PRDM16: variants seen among roughly 807,000 people sequenced by gnomAD.
PRDM16 encodes the protein PR/SET domain 16.
PRDM16 carries 23 observed loss-of-function variants against 110.6 expected under a neutral mutation model. That is an observed-to-expected ratio of 0.21 (90% CI 0.15 to 0.29). The LOEUF (loss-of-function observed/expected upper bound fraction) is 0.29, where lower values mean the gene tolerates loss of function less well. Ranked by LOEUF, PRDM16 falls within the 10% of genes least tolerant of loss-of-function variation. The probability of loss-of-function intolerance (pLI) is 1.00; values close to 1 mark genes in which losing one functional copy is unlikely to be tolerated. For synonymous variants in PRDM16, 799 were observed against 781.8 expected, an observed-to-expected ratio of 1.02 and a Z score of -0.37; for missense variants, 1,615 against 1,794.3, an observed-to-expected ratio of 0.90 and a Z score of 1.81.
At chr1:3,191,425 C>A (rs1638307303) in intron 2 of PRDM16, among the ~76,000 whole-genome samples, 1 of 152,160 alleles carries the variant, frequency 6.6e-6, no homozygotes, top group Non-Finnish European at 1.5e-5. Flanking sequence ...CCCCAGAGCC[C>A]ACTGAGAGCC....
chr1:3,238,751 G>A (rs1358662664), intron 2 of PRDM16, among the ~76,000 whole-genome samples: 1 of 152,106 alleles, frequency 6.6e-6, no homozygotes, highest in Non-Finnish European at 1.5e-5. Context: ...CAAGTCCCGG[G>A]TGGAAGGGCC....
intron 2 of PRDM16, among the ~76,000 whole-genome samples, chr1:3,218,686 G>T (rs530437562): frequency 6.6e-6 from 1 of 152,236 alleles, no homozygotes; most frequent in South Asian, 2.1e-4. Context: ...ACACTGGCAG[G>T]TGCCTCTGCC....
At chr1:3,317,692 C>T (rs568211530) in intron 3 of PRDM16, among the ~76,000 whole-genome samples, 112 of 152,326 alleles carry the variant, frequency 7.4e-4, no homozygotes, top group Middle Eastern at 3.4e-3. Context: ...AGCCATTGGG[C>T]GTGCGTGGGT....
At chr1:3,318,063 G>A (rs1436200999) in intron 3 of PRDM16, among the ~76,000 whole-genome samples, 1 of 152,198 alleles carries the variant, frequency 6.6e-6, no homozygotes, top group Non-Finnish European at 1.5e-5. Flanking sequence ...GCATCACAGC[G>A]AGCCTCGCAA....
intron 3 of PRDM16, among the ~76,000 whole-genome samples, chr1:3,315,274 A>C (rs1300378883): frequency 1.3e-5 from 2 of 150,950 alleles, no homozygotes; most frequent in Non-Finnish European, 2.9e-5. Flanking sequence ...CAAATAAATC[A>C]AGCTGCCATG....
rs773873978 is a variant in PRDM16, at chr1:3,122,108, C to T, written c.37+52812C>T. Among the ~76,000 whole-genome samples, 19 of 152,218 alleles carry T rather than the reference C, an allele frequency of 1.2e-4. No individual in the cohort carries two copies. In the East Asian group the frequency reaches 2.1e-3, roughly 17 times the overall value. On this transcript the variant is annotated intron_variant, in intron 1 of 16. Transcript: ENST00000270722. Reference sequence around the variant, plus strand: ...GCGCACGGTGTCTGTGGAGGTCAGGCGGACACGTCCAGCCATGGCCTGGAC... The same window carrying T: ...GCGCACGGTGTCTGTGGAGGTCAGGTGGACACGTCCAGCCATGGCCTGGAC...
At chr1:3,363,662 C>G (rs1001875993) in intron 3 of PRDM16, among the ~76,000 whole-genome samples, 1 of 152,174 alleles carries the variant, frequency 6.6e-6, no homozygotes, top group Admixed American at 6.5e-5. Context: ...CCCTTGGAAA[C>G]AAGCCCCCAC....
Position 3,265,978 on chromosome 1 carries a change from G to A in PRDM16, c.438+21841G>A, listed in dbSNP as rs1184212113. ...AGGCCCAGCCCCCAACTCAAGGGCCGCCCTCCAGCCTAGCGACGCCACCTG... is the reference window on the plus strand; with the variant it reads ...AGGCCCAGCCCCCAACTCAAGGGCCACCCTCCAGCCTAGCGACGCCACCTG... On this transcript the variant is annotated intron_variant, in intron 3 of 16. Coordinates refer to ENST00000270722, the MANE Select transcript of PRDM16 (RefSeq NM_022114.4). The surrounding 1 kb of genome is among the most constrained non-coding windows in gnomAD (Gnocchi z 4.5). Among the ~76,000 whole-genome samples the A allele has an allele frequency of 6.6e-6, 1 of 152,130 alleles. No homozygotes were observed. The highest frequency in any genetic ancestry group is 2.4e-5 in the African/African-American group (1 of 41,430).
At chr1:3,421,276 C>A (rs1042646607) in intron 12 of PRDM16, among the ~76,000 whole-genome samples, 2 of 152,162 alleles carry the variant, frequency 1.3e-5, no homozygotes, top group African/African-American at 4.8e-5. Context: ...CTGGCCACCC[C>A]CCCTGACCTG....
intron 3 of PRDM16, among the ~76,000 whole-genome samples, chr1:3,360,238 C>T (rs777950904): frequency 2.0e-5 from 3 of 152,192 alleles, no homozygotes; most frequent in African/African-American, 4.8e-5. Context: ...CGGGCCAGAG[C>T]GACCAGTCCC....
At position 3,186,826 on chromosome 1, in the gene PRDM16, C is replaced by A. The variant is rs142567524; in HGVS notation, c.387+352C>A. Among the ~76,000 whole-genome samples, 819 of 152,340 alleles carry A rather than the reference C, an allele frequency of 5.4e-3. 8 individuals are homozygous for A. The highest frequency in any genetic ancestry group is 0.033 in the South Asian group (161 of 4,832). On this transcript the variant is annotated intron_variant, in intron 2 of 16. Transcript: ENST00000270722. ...GATTAATAGGAAGTCCCAGAACAGG[C>A]AGCTGCACTCCAGGGCTTCATTCCA...
At chr1:3,164,291 A>C (rs1798246) in intron 1 of PRDM16, among the ~76,000 whole-genome samples, 71,110 of 152,154 alleles carry the variant, frequency 0.47, 16,770 homozygotes, top group South Asian at 0.65. Context: ...GTGTAATAGG[A>C]AATTTGAGAA....
chr1:3,160,787 A>G (rs1222507481), intron 1 of PRDM16, among the ~76,000 whole-genome samples: 2 of 152,206 alleles, frequency 1.3e-5, no homozygotes, highest in South Asian at 4.1e-4. Flanking sequence ...TCCCGGCTTC[A>G]TGGGCGGGGC....
chr1:3,161,271 C>T (rs140039616), intron 1 of PRDM16, among the ~76,000 whole-genome samples: 93 of 152,356 alleles, frequency 6.1e-4, no homozygotes, highest in African/African-American at 2.1e-3. Flanking sequence ...ACACACAACA[C>T]GCTCGAAAGT....
chr1:3,418,636 C>A, intron 11 of PRDM16, 31 bp from the exon 12 acceptor site: 2 of 1,475,732 alleles, frequency 1.4e-6, no homozygotes, highest in Non-Finnish European at 1.9e-6. Flanking sequence ...CCCTAATCCT[C>A]CCTCACCCTC....
intron 3 of PRDM16, among the ~76,000 whole-genome samples, chr1:3,258,282 T>TG (rs545793196): frequency 3.2e-4 from 48 of 152,212 alleles, no homozygotes; most frequent in East Asian, 1.4e-3. Context: ...CTGTTATCTA[T>TG]GGGGGGGATA....
chr1:3,213,375 CG>C lies in PRDM16; in HGVS notation c.387+26904del, dbSNP rs1638944186. On this transcript the variant is annotated intron_variant, in intron 2 of 16. Coordinates refer to ENST00000270722, the MANE Select transcript of PRDM16 (RefSeq NM_022114.4). The surrounding 1 kb of genome is among the most constrained non-coding windows in gnomAD (Gnocchi z 5.3). ...TTTGCTGGGGAGAGGGGTGTGGGGG[CG>C]GGATGGCGGGTCCTGGGCGTCTCGG... 1.8e-5 allele frequency among the ~76,000 whole-genome samples: 2 copies of C among 110,570 alleles called. No homozygotes were observed. Among genetic ancestry groups the C allele is most frequent in the African/African-American group, 3.5e-5 (1 of 28,170 alleles). The allele number at this position is 110,570 out of a possible 152,430, so 72.5% of individuals were successfully genotyped here. A position where few individuals can be genotyped will look rare whatever the true frequency, so the allele number is the denominator to read the frequency against.
intron 1 of PRDM16, among the ~76,000 whole-genome samples, chr1:3,173,956 G>A (rs891700527): frequency 1.1e-4 from 17 of 152,060 alleles, no homozygotes; most frequent in African/African-American, 4.1e-4. Flanking sequence ...CCCGTGCTAT[G>A]GCCCGTGCTA....
At chr1:3,238,254 T>C (rs1176220251) in intron 2 of PRDM16, among the ~76,000 whole-genome samples, 3 of 152,022 alleles carry the variant, frequency 2.0e-5, no homozygotes, top group Non-Finnish European at 2.9e-5. Flanking sequence ...AGGGAGGTGG[T>C]GGCTGGGAGT....
Sources: gnomAD v4.1 joint callset for allele counts (sites outside exome capture counted in the v4.1 genomes callset) on GRCh38, gnomAD v4.1.1 for gene constraint, Gnocchi (gnomAD v3.1) non-coding constraint, MANE v1.5 for transcripts, NCBI Gene and HGNC (gene_info 2026-07-23, HGNC 2026-07-21) for gene names.